The following PSCA variants were observed in gnomAD, a reference collection of about 807,000 sequenced individuals.
PSCA encodes the protein prostate stem cell antigen.
In PSCA, 7 loss-of-function variants were observed where a neutral mutation model predicts 7.9. The ratio of observed to expected loss-of-function variants is 0.89; its 90% CI spans 0.51 to 1.67. The LOEUF (loss-of-function observed/expected upper bound fraction) is 1.67. Ranked by LOEUF, PSCA falls within the 40% of genes most tolerant of loss-of-function variation. The pLI, the probability that PSCA is intolerant of heterozygous loss-of-function variation, is 0.00. For synonymous variants in PSCA, 61 were observed against 68.3 expected (o/e 0.89, Z 0.53); for missense variants, 151 against 147.9 (o/e 1.02, Z -0.11).
chr8:142,681,452 A>T lies in PSCA; in HGVS notation c.133+18A>T, dbSNP rs1554638335. 2 of 1,568,258 alleles carry T rather than the reference A, an allele frequency of 1.3e-6. No homozygotes were observed. The highest frequency in any genetic ancestry group is 1.8e-5 in the Admixed American group (1 of 54,388). On this transcript the variant is annotated intron_variant, in intron 2 of 2. Transcript: ENST00000301258. ...GCGCATCCGTGAGTGGGGGGACGACAGCCGCCAGGCCTAGGTCTCTGCCAC... is the reference window on the plus strand; with the variant it reads ...GCGCATCCGTGAGTGGGGGGACGACTGCCGCCAGGCCTAGGTCTCTGCCAC...
chr8:142,681,870 G>A, intron 2 of PSCA, 51 bp from the exon 3 acceptor site: 1 of 1,367,362 alleles, frequency 7.3e-7, no homozygotes, highest in South Asian at 1.4e-5. Flanking sequence ...GGGCAGGTCA[G>A]GCAGGTGAGC....
rs1467546423 is a variant in PSCA at position 142,673,423 on chromosome 8, C to T, written n.261+2855C>T. Among the ~76,000 whole-genome samples the T allele has an allele frequency of 6.6e-6, 1 of 152,176 alleles. No individual in the cohort carries two copies. Among genetic ancestry groups the T allele is most frequent in the Non-Finnish European group, 1.5e-5 (1 of 68,028 alleles). Reference sequence around the variant, plus strand: ...CTCGAGGACCAAGTCCATTCTGACACTGGGAGGGGTCAGAAAGAGAGGAAG... The same window carrying T: ...CTCGAGGACCAAGTCCATTCTGACATTGGGAGGGGTCAGAAAGAGAGGAAG... On this transcript the variant is annotated intron_variant and non_coding_transcript_variant, in intron 1 of 1. Transcript: ENST00000505305. The surrounding 1 kb of genome is among the most constrained non-coding windows in gnomAD (Gnocchi z 4.6).
At chr8:142,676,449 G>C (rs139602855), upstream of PSCA, 1 of 152,430 alleles carries the variant, frequency 6.6e-6, no homozygotes, top group Non-Finnish European at 1.5e-5. Context: ...TCCCTGGTGT[G>C]ACTGCTTACC....
Position 142,673,420 on chromosome 8 carries a change from A to T in PSCA, n.261+2852A>T, listed in dbSNP as rs1193234701. Among the ~76,000 whole-genome samples, 1 of 152,150 alleles carries T rather than the reference A, an allele frequency of 6.6e-6. No homozygotes were observed. Among genetic ancestry groups the T allele is most frequent in the Non-Finnish European group, 1.5e-5 (1 of 68,020 alleles). ...CTTCTCGAGGACCAAGTCCATTCTG[A>T]CACTGGGAGGGGTCAGAAAGAGAGG... is the stretch of plus-strand genomic sequence containing the variant. On this transcript the variant is annotated intron_variant and non_coding_transcript_variant, in intron 1 of 1. Transcript: ENST00000505305. This position sits in a 1 kb window ranked among gnomAD's most constrained non-coding sequence, Gnocchi z 4.6.
In PSCA at chr8:142,681,927, T is replaced by C. The variant is rs994660274; in HGVS notation, c.140T>C (p.Val47Ala). 1 of 1,539,756 alleles carries C rather than the reference T, an allele frequency of 6.5e-7. No homozygotes were observed. The highest frequency in any genetic ancestry group is 2.4e-5 in the East Asian group (1 of 41,750). Residue 47 changes from valine (V) to alanine (A), a missense_variant, in exon 3 of 3, where the codon GTT becomes GCT. Val to Ala is a moderately conservative substitution (Grantham distance 64). Coordinates refer to ENST00000301258, the MANE Select transcript of PSCA (RefSeq NM_005672.5). Reference protein sequence around the residue: ...EQCWTARIRAVGLLTVISKGC... With the variant: ...EQCWTARIRAAGLLTVISKGC... Reference sequence around the variant, plus strand: ...GGATCCCGCTGCTCCCCAGGCGCAGTTGGCCTCCTGACCGTCATCAGCAAA... The same window carrying C: ...GGATCCCGCTGCTCCCCAGGCGCAGCTGGCCTCCTGACCGTCATCAGCAAA...
upstream of PSCA, among the ~76,000 whole-genome samples, chr8:142,677,082 GCCAGGGCTCAGGGTGGGGCCGTAA>G (rs1847408175): frequency 6.6e-6 from 1 of 152,200 alleles, no homozygotes; most frequent in Non-Finnish European, 1.5e-5. Flanking sequence ...AGTGGCCAGG[GCCAGGGCTCAGGGTGGGGCCGTAA>G]CCAGGGCTCG....
intron 1 of PSCA, chr8:142,681,113 G>A (rs1037247972): frequency 2.8e-5 from 15 of 542,394 alleles, no homozygotes; most frequent in African/African-American, 1.9e-4. Context: ...TGAAACACAC[G>A]GTCACAAAAG....
At chr8:142,672,969 C>T (rs954455074) in intron 1 of PSCA, among the ~76,000 whole-genome samples, 1 of 152,190 alleles carries the variant, frequency 6.6e-6, no homozygotes, top group African/African-American at 2.4e-5. Flanking sequence ...CTGCTCCTTG[C>T]TGTACACATG....
Position 142,681,360 on chromosome 8 carries a change from A to C in PSCA, c.59A>C (p.Gln20Pro). The C allele has an allele frequency of 6.3e-7, 1 of 1,581,790 alleles. No homozygotes were observed. The highest frequency in any genetic ancestry group is 8.6e-7 in the Non-Finnish European group (1 of 1,164,058). ...CTGCTGTGCTACTCCTGCAAAGCCC[A>C]GGTGAGCAACGAGGACTGCCTGCAG... is the stretch of plus-strand genomic sequence containing the variant. ...TALLCYSCKA[Q>P]VSNEDCLQVE... The change falls in exon 2 of 3, where the codon CAG becomes CCG. Residue 20 changes from glutamine to proline, a missense_variant. Physicochemically the swap from Gln to Pro is moderately conservative, Grantham distance 76. Coordinates refer to ENST00000301258, the MANE Select transcript of PSCA (RefSeq NM_005672.5).
chr8:142,681,150 A>C (rs1847458561), intron 1 of PSCA, 177 bp from the exon 2 acceptor site: 1 of 582,242 alleles, frequency 1.7e-6, no homozygotes, highest in East Asian at 2.8e-5. Context: ...AAACAGGGCA[A>C]CATTTCGGAG....
In PSCA at chr8:142,682,094, G is replaced by GCACTC; in HGVS notation, c.308_312dup (p.Gly105HisfsTer150). 1 of 1,605,076 alleles carries GCACTC rather than the reference G, an allele frequency of 6.2e-7. No homozygotes were observed. Among genetic ancestry groups the GCACTC allele is most frequent in the Non-Finnish European group, 8.5e-7 (1 of 1,179,454 alleles). On this transcript the variant is annotated frameshift_variant, in exon 3 of 3. Transcript: ENST00000301258. LOFTEE classifies it high-confidence loss of function. Reference sequence around the variant, plus strand: ...TGCTGCCATCCTTGCGCTGCTCCCTGCACTCGGCCTGCTGCTCTGGGGACC... The same window carrying GCACTC: ...TGCTGCCATCCTTGCGCTGCTCCCTGCACTCCACTCGGCCTGCTGCTCTGGGGACC...
rs1814664784 is a variant in PSCA at position 142,682,251 on chromosome 8, A to G, written c.*119A>G. Reference sequence around the variant, plus strand: ...GGTTCCTGAGGCACATCCTAACGCAAGTCTGACCATGTATGTCTGCGCCCC... The same window carrying G: ...GGTTCCTGAGGCACATCCTAACGCAGGTCTGACCATGTATGTCTGCGCCCC... On this transcript the variant is annotated 3_prime_UTR_variant, in exon 3 of 3. Coordinates refer to ENST00000301258, the MANE Select transcript of PSCA (RefSeq NM_005672.5). 2 of 1,258,672 alleles carry G rather than the reference A, an allele frequency of 1.6e-6. No homozygotes were observed. The highest frequency in any genetic ancestry group is 3.0e-5 in the African/African-American group (2 of 67,618). 78.0% of individuals were successfully genotyped at this position (1,258,672 alleles called of 1,614,324 possible).
intron 1 of PSCA, chr8:142,680,898 G>A: frequency 1.9e-6 from 1 of 527,070 alleles, no homozygotes; most frequent in Non-Finnish European, 3.4e-6. Context: ...GGAGACATGG[G>A]ACAGGAAGCC....
upstream of PSCA, chr8:142,676,333 G>A (rs1554637827): frequency 6.6e-6 from 1 of 152,326 alleles, no homozygotes; most frequent in Admixed American, 6.5e-5. Flanking sequence ...CACAGTGGAG[G>A]ACGCTTAGTC....
chr8:142,670,341 C>T (rs782787185), exon 1 of PSCA: 2 of 152,350 alleles, frequency 1.3e-5, no homozygotes, highest in Non-Finnish European at 2.9e-5. Flanking sequence ...CGTTGGGGCT[C>T]CTGCAGTTCT....
At position 142,681,863 on chromosome 8, in the gene PSCA, C is replaced by A. The variant is rs587652444; in HGVS notation, c.134-58C>A. On this transcript the variant is annotated intron_variant, in intron 2 of 2. Transcript: ENST00000301258. Reference sequence around the variant, plus strand: ...GGGTGGGACAGGAGGAGGCCTGGGGCAGGTCAGGCAGGTGAGCACACAGGG... The same window carrying A: ...GGGTGGGACAGGAGGAGGCCTGGGGAAGGTCAGGCAGGTGAGCACACAGGG... 10 of 1,255,322 alleles carry A rather than the reference C, an allele frequency of 8.0e-6. No individual in the cohort carries two copies. In the African/African-American group the frequency reaches 8.9e-5, roughly 11 times the overall value. The allele number at this position is 1,255,322 out of a possible 1,614,324, so 77.8% of individuals were successfully genotyped here.
At chr8:142,680,672 G>C (rs1847451941) in intron 1 of PSCA, 109 bp downstream of exon 1, 2 of 1,413,762 alleles carry the variant, frequency 1.4e-6, no homozygotes, top group Middle Eastern at 2.0e-4. Context: ...GAGGAAGGGA[G>C]AGGAAGGGGG....
upstream of PSCA, among the ~76,000 whole-genome samples, chr8:142,678,662 G>A (rs1168541839): frequency 6.6e-6 from 1 of 150,758 alleles, no homozygotes; most frequent in Non-Finnish European, 1.5e-5. Context: ...CCACTGGCAG[G>A]AGAGCCTGGG....
intron 1 of PSCA, among the ~76,000 whole-genome samples, chr8:142,671,268 CAG>C (rs782201093): frequency 5.9e-5 from 9 of 152,284 alleles, no homozygotes; most frequent in East Asian, 1.9e-4. Context: ...ACAACAGACA[CAG>C]GGGTTGGAGT....
Sources: gnomAD v4.1 joint callset for allele counts (sites outside exome capture counted in the v4.1 genomes callset) on GRCh38, gnomAD v4.1.1 for gene constraint, Gnocchi (gnomAD v3.1) non-coding constraint, MANE v1.5 for transcripts, NCBI Gene and HGNC (gene_info 2026-07-23, HGNC 2026-07-21) for gene names.